TYW1B: variants seen among roughly 807,000 people sequenced by gnomAD.
TYW1B encodes the protein S-adenosyl-L-methionine-dependent tRNA 4-demethylwyosine synthase TYW1B.
Under a neutral mutation model 86.9 loss-of-function variants are expected in TYW1B, and 73 were observed. The ratio of observed to expected loss-of-function variants is 0.84; its 90% CI spans 0.70 to 1.02. The LOEUF is 1.02. TYW1B is among the 50% of genes least tolerant of loss of function. TYW1B has a pLI of 0.00. For synonymous variants in TYW1B, 248 were observed against 292.8 expected (o/e 0.85, Z 1.56); for missense variants, 637 against 827.4 (o/e 0.77, Z 2.82).
intron 4 of TYW1B, among the ~76,000 whole-genome samples, chr7:72,809,013 T>C (rs1328649405): frequency 6.6e-6 from 1 of 151,812 alleles, no homozygotes; most frequent in Admixed American, 6.6e-5. Context: ...AGTTAATTTT[T>C]TCCTCCATTT....
intron 7 of TYW1B, among the ~76,000 whole-genome samples, chr7:72,756,928 A>G (rs1554466267): frequency 2.0e-5 from 3 of 152,220 alleles, no homozygotes; most frequent in African/African-American, 7.2e-5. Flanking sequence ...CAAACCTCTA[A>G]GAGATACCAC....
At chr7:72,630,069 A>C (rs1431946882) in intron 11 of TYW1B, among the ~76,000 whole-genome samples, 1 of 152,060 alleles carries the variant, frequency 6.6e-6, no homozygotes, top group Non-Finnish European at 1.5e-5. Flanking sequence ...ACCTGAGGTA[A>C]GGAGTTTGAG....
At position 72,703,010 on chromosome 7, in the gene TYW1B, A is replaced by C. The variant is rs1427709383; in HGVS notation, c.1371-8188T>G. ...TCTATATATATATATATATATATAT[A>C]TATATATATATATATATTTTTTTTT... On this transcript the variant is annotated intron_variant, in intron 10 of 13. Transcript: ENST00000620995. 1.8e-3 allele frequency among the ~76,000 whole-genome samples: 55 copies of C among 30,374 alleles called. 1 individual carries two copies. Among genetic ancestry groups the C allele is most frequent in the African/African-American group, 3.1e-3 (27 of 8,750 alleles). 19.9% of individuals were successfully genotyped at this position (30,374 alleles called of 152,430 possible). A position where few individuals can be genotyped will look rare whatever the true frequency, so the allele number is the denominator to read the frequency against.
chr7:72,624,028 T>C (rs1373702870), intron 12 of TYW1B, among the ~76,000 whole-genome samples: 19 of 152,164 alleles, frequency 1.2e-4, no homozygotes, highest in Admixed American at 1.2e-3. Context: ...CTCGAACTCC[T>C]GACCTCAAGT....
intron 11 of TYW1B, among the ~76,000 whole-genome samples, chr7:72,672,017 C>T (rs1192723680): frequency 6.7e-6 from 1 of 148,662 alleles, no homozygotes; most frequent in Admixed American, 6.7e-5. Flanking sequence ...TGAATTCCCA[C>T]GTTGTGGGGG....
intron 1 of TYW1B, 126 bp downstream of exon 1, chr7:72,827,946 G>A (rs1310932300): frequency 2.0e-6 from 3 of 1,535,380 alleles, no homozygotes; most frequent in Non-Finnish European, 2.6e-6. Flanking sequence ...GCGGCTAGCC[G>A]GTGCTGTCAA....
chr7:72,701,854 G>C (rs1283892577), intron 10 of TYW1B, among the ~76,000 whole-genome samples: 2 of 152,084 alleles, frequency 1.3e-5, no homozygotes, highest in African/African-American at 4.8e-5. Context: ...CTTTGTCAAG[G>C]GGCTCTGTGT....
intron 2 of TYW1B, among the ~76,000 whole-genome samples, chr7:72,819,563 G>C (rs1403428602): frequency 2.0e-5 from 3 of 152,140 alleles, no homozygotes; most frequent in Non-Finnish European, 2.9e-5. Flanking sequence ...CACCCGAGTA[G>C]CTAGGACTAC....
At chr7:72,789,126 C>T (rs750589569) in intron 6 of TYW1B, among the ~76,000 whole-genome samples, 1 of 151,752 alleles carries the variant, frequency 6.6e-6, no homozygotes, top group Non-Finnish European at 1.5e-5. Context: ...CCACCAAGCC[C>T]GGCCTGGTGC....
chr7:72,576,757 C>T (rs575249981), intron 13 of TYW1B, among the ~76,000 whole-genome samples: 3 of 152,018 alleles, frequency 2.0e-5, no homozygotes, highest in East Asian at 2.0e-4. Context: ...CGTGATCCGC[C>T]GGCCTCGGCC....
intron 7 of TYW1B, among the ~76,000 whole-genome samples, chr7:72,760,869 G>A (rs77901218): frequency 1.9e-3 from 295 of 152,232 alleles, no homozygotes; most frequent in African/African-American, 6.5e-3. Context: ...AATGATCTTC[G>A]TTTGTGTAAT....
intron 6 of TYW1B, among the ~76,000 whole-genome samples, chr7:72,787,990 C>CT (rs762432495): frequency 4.6e-5 from 7 of 151,428 alleles, no homozygotes; most frequent in Non-Finnish European, 1.0e-4. Context: ...TTCTTTTTTT[C>CT]TTTTTGAGAT....
Position 72,605,533 on chromosome 7 carries a change from T to C in TYW1B, c.1785+11139A>G, listed in dbSNP as rs538812422. ...CACGCCTGGCTAATTTTTGTATTTA[T>C]AGTAGAGATGGGGTTTCACCATATT... is the stretch of plus-strand genomic sequence containing the variant. On this transcript the variant is annotated intron_variant, in intron 13 of 13. Coordinates refer to ENST00000620995, the MANE Select transcript of TYW1B (RefSeq NM_001145440.3). Among the ~76,000 whole-genome samples the C allele has an allele frequency of 3.3e-5, 5 of 152,222 alleles. No individual in the cohort carries two copies. The South Asian group carries it at 8.3e-4, about 25-fold the overall frequency.
chr7:72,771,371 T>A (rs1219256277), intron 7 of TYW1B, among the ~76,000 whole-genome samples: 1 of 152,216 alleles, frequency 6.6e-6, no homozygotes, highest in East Asian at 1.9e-4. Flanking sequence ...AATAAATTCA[T>A]TGGGGTGGGG....
At chr7:72,590,272 T>C (rs1227458312) in intron 13 of TYW1B, among the ~76,000 whole-genome samples, 1 of 152,224 alleles carries the variant, frequency 6.6e-6, no homozygotes, top group Non-Finnish European at 1.5e-5. Flanking sequence ...GGCAGGCAGC[T>C]GTGTACATGT....
chr7:72,643,579 T>A (rs1812855671), intron 11 of TYW1B, among the ~76,000 whole-genome samples: 1 of 150,624 alleles, frequency 6.6e-6, no homozygotes, highest in African/African-American at 2.4e-5. Flanking sequence ...AGAGCCAGAC[T>A]CCATCTTAAA....
intron 9 of TYW1B, among the ~76,000 whole-genome samples, chr7:72,715,168 G>A (rs1362782162): frequency 3.3e-5 from 5 of 151,864 alleles, no homozygotes; most frequent in Non-Finnish European, 5.9e-5. Context: ...CTGGCGGAGG[G>A]GTGCAGGCAA....
intron 9 of TYW1B, among the ~76,000 whole-genome samples, chr7:72,722,240 A>G (rs1408664844): frequency 6.6e-6 from 1 of 152,114 alleles, no homozygotes; most frequent in Non-Finnish European, 1.5e-5. Context: ...TCTGTTGGAG[A>G]TCTTTTATTT....
chr7:72,648,357 A>C lies in TYW1B; in HGVS notation c.1507-19360T>G, dbSNP rs140305477. Among the ~76,000 whole-genome samples the C allele has an allele frequency of 3.4e-3, 515 of 152,072 alleles. 1 individual carries two copies. Among genetic ancestry groups the C allele is most frequent in the African/African-American group, 0.011 (468 of 41,486 alleles). ...CAGGAGTTTGAGACCAGCCTGGCCA[A>C]CATGGTGAAACCCCATCTCTACTAA... is the stretch of plus-strand genomic sequence containing the variant. On this transcript the variant is annotated intron_variant, in intron 11 of 13. Coordinates refer to ENST00000620995, the MANE Select transcript of TYW1B (RefSeq NM_001145440.3).
Sources: allele counts gnomAD v4.1 joint callset (sites outside exome capture counted in the v4.1 genomes callset), GRCh38; gene constraint gnomAD v4.1.1; transcripts MANE v1.5; gene names NCBI Gene and HGNC (gene_info 2026-07-23, HGNC 2026-07-21).